The following TCAIM variants were observed in gnomAD, a reference collection of about 807,000 sequenced individuals.
TCAIM encodes T cell activation inhibitor, mitochondrial.
A neutral mutation model predicts 58.6 loss-of-function variants in TCAIM; 36 were observed. The observed-to-expected ratio is 0.61, with a 90% confidence interval of 0.47 to 0.81. TCAIM has a LOEUF of 0.81. Ranked by LOEUF, TCAIM falls within the 30% of genes least tolerant of loss-of-function variation. TCAIM has a pLI of 0.00. For synonymous variants in TCAIM, 172 were observed against 193.6 expected (o/e 0.89, Z 0.93); for missense variants, 466 against 579.6 (o/e 0.80, Z 2.01).
At chr3:44,385,359 C>G (rs1467442375) in intron 5 of TCAIM, among the ~76,000 whole-genome samples, 7 of 151,918 alleles carry the variant, frequency 4.6e-5, no homozygotes, top group Admixed American at 3.9e-4. Context: ...AGTGTTTTAC[C>G]CTAAAAAATA....
chr3:44,340,170 G>A (rs1700828172), intron 1 of TCAIM: 1 of 152,200 alleles, frequency 6.6e-6, no homozygotes, highest in East Asian at 1.9e-4. Context: ...GAAGCAATGT[G>A]TCTTCAGTCA....
At chr3:44,404,132 C>T (rs1702064739) in intron 10 of TCAIM, among the ~76,000 whole-genome samples, 1 of 152,148 alleles carries the variant, frequency 6.6e-6, no homozygotes, top group Non-Finnish European at 1.5e-5. Flanking sequence ...TGAGGCACTC[C>T]TTCCTCAGAA....
intron 6 of TCAIM, among the ~76,000 whole-genome samples, chr3:44,396,096 T>A (rs191041957): frequency 1.2e-4 from 18 of 152,394 alleles, no homozygotes; most frequent in Admixed American, 6.5e-5. Context: ...AACACTTTTT[T>A]CAAAGTTTTC....
intron 1 of TCAIM, among the ~76,000 whole-genome samples, chr3:44,345,707 G>A (rs889878469): frequency 9.9e-5 from 15 of 152,094 alleles, no homozygotes; most frequent in Non-Finnish European, 2.9e-5. Flanking sequence ...ACGGGAACAA[G>A]AATAAGAGTG....
chr3:44,351,587 C>T (rs1014979005), intron 1 of TCAIM, among the ~76,000 whole-genome samples: 4 of 152,042 alleles, frequency 2.6e-5, no homozygotes, highest in African/African-American at 7.2e-5. Context: ...CTCTGCCTCC[C>T]GGGTTCAAGT....
At chr3:44,391,815 A>G (rs1701840482) in intron 5 of TCAIM, among the ~76,000 whole-genome samples, 1 of 151,988 alleles carries the variant, frequency 6.6e-6, no homozygotes, top group Admixed American at 6.6e-5. Context: ...AAAGGGAGAA[A>G]CTGGAGTCCA....
At chr3:44,383,671 A>G (rs1482223752) in intron 5 of TCAIM, among the ~76,000 whole-genome samples, 2 of 152,024 alleles carry the variant, frequency 1.3e-5, no homozygotes, top group Admixed American at 6.6e-5. Context: ...ACTGAACTGT[A>G]CACTTAAAAA....
At chr3:44,392,391 T>C (rs1030613543) in intron 5 of TCAIM, among the ~76,000 whole-genome samples, 1 of 152,138 alleles carries the variant, frequency 6.6e-6, no homozygotes, top group Admixed American at 6.5e-5. Flanking sequence ...TAAACTCTCA[T>C]CATAGGGGTT....
intron 5 of TCAIM, among the ~76,000 whole-genome samples, chr3:44,386,403 C>T (rs888337296): frequency 6.6e-6 from 1 of 152,172 alleles, no homozygotes; most frequent in Non-Finnish European, 1.5e-5. Context: ...GTGTCCGGGG[C>T]TGCGTGCTCT....
At chr3:44,389,157 G>T (rs1164563183) in intron 5 of TCAIM, among the ~76,000 whole-genome samples, 1 of 152,162 alleles carries the variant, frequency 6.6e-6, no homozygotes, top group African/African-American at 2.4e-5. Flanking sequence ...AGGCATGGTG[G>T]TGCCCACCTG....
At chr3:44,351,303 G>A (rs1701083998) in intron 1 of TCAIM, among the ~76,000 whole-genome samples, 1 of 151,850 alleles carries the variant, frequency 6.6e-6, no homozygotes, top group African/African-American at 2.4e-5. Context: ...GCAAAGAGCA[G>A]GAGAACATGC....
Position 44,357,826 on chromosome 3 carries a change from T to G in TCAIM, c.115T>G (p.Phe39Val), listed in dbSNP as rs1255134642. ...TGAAGCAGTCAATGCCTTGAGGCCT[T>G]TCTATTTTGCAGTACATCCAGATTT... ...GAEAVNALRP[F>V]YFAVHPDFFG... Residue 39 changes from phenylalanine to valine, a missense_variant, in exon 3 of 11, where the codon TTC becomes GTC. Coordinates refer to ENST00000342649, the MANE Select transcript of TCAIM (RefSeq NM_173826.4). The G allele has an allele frequency of 1.9e-6, 3 of 1,614,184 alleles. No individual in the cohort carries two copies. Among genetic ancestry groups the G allele is most frequent in the Non-Finnish European group, 1.7e-6 (2 of 1,180,016 alleles).
chr3:44,370,056 A>G (rs912862954), intron 5 of TCAIM, among the ~76,000 whole-genome samples: 5 of 147,394 alleles, frequency 3.4e-5, no homozygotes, highest in African/African-American at 4.9e-5. Flanking sequence ...GAAAATTTCT[A>G]TGCATAGATA....
chr3:44,389,804 C>A (rs1701803367), intron 5 of TCAIM, among the ~76,000 whole-genome samples: 1 of 152,010 alleles, frequency 6.6e-6, no homozygotes, highest in East Asian at 1.9e-4. Flanking sequence ...TTCCCTTTCT[C>A]AGCGTGTAAG....
chr3:44,349,366 G>A (rs573429409), intron 1 of TCAIM, among the ~76,000 whole-genome samples: 4 of 152,174 alleles, frequency 2.6e-5, no homozygotes, highest in South Asian at 4.1e-4. Context: ...ATTGTCAAGC[G>A]GTATTGCAGA....
intron 2 of TCAIM, among the ~76,000 whole-genome samples, chr3:44,356,274 C>A (rs1009774029): frequency 2.2e-4 from 34 of 152,208 alleles, no homozygotes; most frequent in African/African-American, 4.8e-5. Context: ...CGCCTGTAAT[C>A]CCAGCACTTT....
At chr3:44,371,819 A>G (rs551248088) in intron 5 of TCAIM, among the ~76,000 whole-genome samples, 2 of 152,164 alleles carry the variant, frequency 1.3e-5, no homozygotes, top group Non-Finnish European at 2.9e-5. Flanking sequence ...AGCTTATATC[A>G]TAAAAGCTGG....
intron 4 of TCAIM, among the ~76,000 whole-genome samples, chr3:44,365,870 T>C (rs900622963): frequency 8.5e-5 from 13 of 152,232 alleles, no homozygotes; most frequent in Non-Finnish European, 1.8e-4. Flanking sequence ...GTAGCTACCA[T>C]CTTGGGTAGA....
chr3:44,359,443 A>AT (rs1156898250), intron 3 of TCAIM: 1 of 152,172 alleles, frequency 6.6e-6, no homozygotes, highest in African/African-American at 2.4e-5. Flanking sequence ...TTTATAGTGA[A>AT]TACCTGTTTT....
Sources: allele counts gnomAD v4.1 joint callset (sites outside exome capture counted in the v4.1 genomes callset), GRCh38; gene constraint gnomAD v4.1.1; transcripts MANE v1.5; gene names NCBI Gene and HGNC (gene_info 2026-07-23, HGNC 2026-07-21).